Variants in MAP3K14 observed in about 807,000 individuals in gnomAD.
MAP3K14 encodes mitogen-activated protein kinase kinase kinase 14.
In MAP3K14, 16 loss-of-function variants were observed where a neutral mutation model predicts 99.2. The observed-to-expected ratio is 0.16, with a 90% confidence interval of 0.11 to 0.24. The LOEUF (loss-of-function observed/expected upper bound fraction) is 0.24. Ranked by LOEUF, MAP3K14 falls within the 10% of genes least tolerant of loss-of-function variation. MAP3K14 has a pLI of 1.00. For synonymous variants in MAP3K14, 462 were observed against 492.4 expected (o/e 0.94, Z 0.82); for missense variants, 784 against 1,208.7 (o/e 0.65, Z 5.21).
At chr17:45,275,760 C>CTTTTTTTTT (rs369154222) in intron 6 of MAP3K14, among the ~76,000 whole-genome samples, 2 of 123,538 alleles carry the variant, frequency 1.6e-5, no homozygotes, top group Admixed American at 8.2e-5. Flanking sequence ...CTTTTCTTTT[C>CTTTTTTTTT]TTTTTTTTTT....
chr17:45,278,313 A>G (rs2044195120), intron 6 of MAP3K14, among the ~76,000 whole-genome samples: 1 of 152,200 alleles, frequency 6.6e-6, no homozygotes, highest in African/African-American at 2.4e-5. Context: ...AAAGCAGCCC[A>G]GCCTTCCAGG....
chr17:45,301,167 C>CAAA (rs757460582), intron 1 of MAP3K14, among the ~76,000 whole-genome samples: 64 of 96,200 alleles, frequency 6.7e-4, no homozygotes, highest in Middle Eastern at 8.3e-3. Flanking sequence ...GATCCTGTTT[C>CAAA]AAAAAAAAAA....
chr17:45,285,824 C>T (rs549451627), intron 5 of MAP3K14, among the ~76,000 whole-genome samples: 199 of 151,646 alleles, frequency 1.3e-3, no homozygotes, highest in African/African-American at 4.5e-3. Context: ...TGGTGGTACA[C>T]GCTTGTAGTC....
intron 1 of MAP3K14, among the ~76,000 whole-genome samples, chr17:45,297,243 C>G (rs2044352261): frequency 6.6e-6 from 1 of 152,212 alleles, no homozygotes; most frequent in African/African-American, 2.4e-5. Context: ...GCAGAGGCAT[C>G]TAGAACATCC....
chr17:45,302,241 C>T (rs1332885208), intron 1 of MAP3K14, among the ~76,000 whole-genome samples: 3 of 151,750 alleles, frequency 2.0e-5, no homozygotes, highest in East Asian at 1.9e-4. Context: ...AGGGGATCCC[C>T]GTTAACAGTT....
At chr17:45,285,703 C>G (rs1598254635) in intron 5 of MAP3K14, among the ~76,000 whole-genome samples, 1 of 152,028 alleles carries the variant, frequency 6.6e-6, no homozygotes, top group East Asian at 1.9e-4. Context: ...CACCTATAAT[C>G]CGAGCACTTT....
chr17:45,303,433 C>G (rs2044405842), intron 1 of MAP3K14, among the ~76,000 whole-genome samples: 1 of 152,022 alleles, frequency 6.6e-6, no homozygotes, highest in Admixed American at 6.6e-5. Flanking sequence ...TGGTGGTGGG[C>G]ACCTGTAATC....
In MAP3K14 at chr17:45,274,139, C is replaced by T; in HGVS notation, c.1536G>A (p.Leu512=). Residue 512 remains leucine (L), a synonymous_variant, in exon 8 of 16, where the codon CTG becomes CTA. Transcript: ENST00000344686. ...GGGCCTTACCTTTGACGTCCCCATG[C>T]AGAATCCTTCGTGAGTGGAGGTATT... ...GLEYLHSRRI[L]HGDVKADNVL... is the part of the protein sequence containing the mutation. 3 of 1,609,008 alleles carry T rather than the reference C, an allele frequency of 1.9e-6. No individual in the cohort carries two copies. The highest frequency in any genetic ancestry group is 2.5e-6 in the Non-Finnish European group (3 of 1,177,620).
chr17:45,277,408 A>G (rs2044189215), intron 6 of MAP3K14, among the ~76,000 whole-genome samples: 1 of 152,174 alleles, frequency 6.6e-6, no homozygotes, highest in African/African-American at 2.4e-5. Context: ...CCAGCTTGGA[A>G]GCGATCTTCA....
In MAP3K14 at chr17:45,267,360, C is replaced by T. The variant is rs1005375658; in HGVS notation, c.2326+46G>A. 25 of 1,536,700 alleles carry T rather than the reference C, an allele frequency of 1.6e-5. No individual in the cohort carries two copies. Among genetic ancestry groups the T allele is most frequent in the Non-Finnish European group, 2.1e-5 (24 of 1,136,900 alleles). ...AGAAACACCGGCCTCCGCGGGTGGC[C>T]CAGGGCCAGTGCTCAGGGCCCCACT... On this transcript the variant is annotated intron_variant, in intron 12 of 15. Coordinates refer to ENST00000344686, the MANE Select transcript of MAP3K14 (RefSeq NM_003954.5). The surrounding 1 kb of genome is among the most constrained non-coding windows in gnomAD (Gnocchi z 5.1).
chr17:45,286,466 T>C lies in MAP3K14; in HGVS notation c.1117A>G (p.Lys373Glu). Reference protein sequence around the residue: ...RGSRSREPSPKTEDNEGVLLT... With the variant: ...RGSRSREPSPETEDNEGVLLT... ...AGGACACCCTCGTTGTCCTCAGTTT[T>C]GGGGCTGGGCTCCCGGGATCTGGAG... The change falls in exon 5 of 16, where the codon AAA becomes GAA. Residue 373 changes from lysine (K) to glutamate (E), a missense_variant. Transcript: ENST00000344686. The surrounding 1 kb of genome is among the most constrained non-coding windows in gnomAD (Gnocchi z 4.1). 1 of 1,601,636 alleles carries C rather than the reference T, an allele frequency of 6.2e-7. No individual in the cohort carries two copies. Among genetic ancestry groups the C allele is most frequent in the Non-Finnish European group, 8.5e-7 (1 of 1,172,800 alleles).
intron 11 of MAP3K14, among the ~76,000 whole-genome samples, chr17:45,269,743 T>C (rs1402541622): frequency 1.3e-5 from 2 of 152,234 alleles, no homozygotes; most frequent in Non-Finnish European, 2.9e-5. Flanking sequence ...TGCCAAGCCC[T>C]GGAAGCTCTG....
intron 6 of MAP3K14, among the ~76,000 whole-genome samples, chr17:45,284,028 G>A (rs1186410474): frequency 6.6e-6 from 1 of 152,168 alleles, no homozygotes; most frequent in Non-Finnish European, 1.5e-5. Flanking sequence ...CGGATAGTGT[G>A]ATCTGACAGG....
chr17:45,283,681 G>A (rs376484695), intron 6 of MAP3K14, among the ~76,000 whole-genome samples: 112 of 152,292 alleles, frequency 7.4e-4, no homozygotes, highest in African/African-American at 2.5e-3. Flanking sequence ...TTGGATTTTG[G>A]AGCACTTCAG....
At chr17:45,282,172 A>C (rs2143810089) in intron 6 of MAP3K14, 1 of 151,760 alleles carries the variant, frequency 6.6e-6, no homozygotes, top group South Asian at 2.1e-4. Context: ...CTTGGCCTCA[A>C]GCAATCCTCC....
chr17:45,300,247 C>G (rs1220390262), intron 1 of MAP3K14, among the ~76,000 whole-genome samples: 1 of 152,218 alleles, frequency 6.6e-6, no homozygotes, highest in Non-Finnish European at 1.5e-5. Context: ...CTATAAGGCC[C>G]CTTCAGATGT....
chr17:45,274,919 C>T (rs990902180), intron 6 of MAP3K14, among the ~76,000 whole-genome samples: 20 of 147,502 alleles, frequency 1.4e-4, no homozygotes, highest in Non-Finnish European at 2.9e-4. Flanking sequence ...GGGTGGATCA[C>T]GAGGTCAGGA....
intron 10 of MAP3K14, 182 bp downstream of exon 10, chr17:45,270,876 G>A (rs1403294609): frequency 1.2e-5 from 11 of 903,970 alleles, no homozygotes; most frequent in Non-Finnish European, 1.7e-5. Flanking sequence ...GTGAGCCTCC[G>A]CAGCTGGATC....
intron 6 of MAP3K14, among the ~76,000 whole-genome samples, chr17:45,280,120 T>C (rs1218848711): frequency 6.6e-6 from 1 of 152,200 alleles, no homozygotes; most frequent in Admixed American, 6.5e-5. Flanking sequence ...CAGGGCCACA[T>C]TATCCCAGAT....
Sources: gnomAD v4.1 joint callset for allele counts (sites outside exome capture counted in the v4.1 genomes callset) on GRCh38, gnomAD v4.1.1 for gene constraint, Gnocchi (gnomAD v3.1) non-coding constraint, MANE v1.5 for transcripts, NCBI Gene and HGNC (gene_info 2026-07-23, HGNC 2026-07-21) for gene names.